The following ALDH4A1 variants were observed in gnomAD, a reference collection of about 807,000 sequenced individuals.
The protein encoded by ALDH4A1 is aldehyde dehydrogenase 4 family member A1.
A neutral mutation model predicts 70.5 loss-of-function variants in ALDH4A1; 46 were observed. The ratio of observed to expected loss-of-function variants is 0.65; its 90% CI spans 0.51 to 0.83. ALDH4A1 has a LOEUF of 0.83. Ranked by LOEUF, ALDH4A1 falls within the 40% of genes least tolerant of loss-of-function variation. ALDH4A1 has a pLI of 0.00. For missense variants in ALDH4A1, 749 were observed against 766.5 expected (o/e 0.98, Z 0.27); for synonymous variants, 323 against 324.3 (o/e 1.00, Z 0.04).
chr1:18,876,408 G>C lies in ALDH4A1; in HGVS notation c.1245C>G (p.Ile415Met). Residue 415 changes from isoleucine (I) to methionine (M), a missense_variant, in exon 12 of 15, where the codon ATC becomes ATG. Ile to Met is a conservative substitution (Grantham distance 10). Transcript: ENST00000375341. ...AGTCATCACACTTGCCCCCGGCCAG[G>C]ATGGTGAGGCTGGGTGAGGAGCGTG... Reference protein sequence around the residue: ...EHARSSPSLTILAGGKCDDSV... With the variant: ...EHARSSPSLTMLAGGKCDDSV... The C allele has an allele frequency of 6.2e-7, 1 of 1,613,138 alleles. No individual in the cohort carries two copies. The highest frequency in any genetic ancestry group is 8.5e-7 in the Non-Finnish European group (1 of 1,179,732).
At chr1:18,889,210 T>C in intron 3 of ALDH4A1, 152 bp downstream of exon 3, 1 of 700,228 alleles carries the variant, frequency 1.4e-6, no homozygotes, top group Non-Finnish European at 2.5e-6. Flanking sequence ...TTTGGGAGTT[T>C]TACTGGTCCA....
At chr1:18,886,315 G>C (rs111311024) in intron 4 of ALDH4A1, 149 bp downstream of exon 4, 17 of 851,710 alleles carry the variant, frequency 2.0e-5, no homozygotes, top group Middle Eastern at 3.2e-4. Context: ...GACTCCCTCA[G>C]TGTCAGCCAC....
chr1:18,879,543 G>C (rs192625558), intron 8 of ALDH4A1, among the ~76,000 whole-genome samples, 170 bp from the exon 9 acceptor site: 1 of 152,206 alleles, frequency 6.6e-6, no homozygotes, highest in African/African-American at 2.4e-5. Flanking sequence ...CGGGCAACGG[G>C]GGGCTAGGCA....
intron 1 of ALDH4A1, among the ~76,000 whole-genome samples, chr1:18,891,603 G>A (rs1307157211): frequency 7.2e-5 from 11 of 152,288 alleles, no homozygotes; most frequent in Admixed American, 1.3e-4. Context: ...AGGAAGCCAC[G>A]GTTAGCTCTG....
chr1:18,881,275 C>G (rs1934954733), intron 8 of ALDH4A1, among the ~76,000 whole-genome samples: 1 of 152,114 alleles, frequency 6.6e-6, no homozygotes, highest in Non-Finnish European at 1.5e-5. Flanking sequence ...CATATATATT[C>G]TTCTCCTGCC....
chr1:18,885,636 G>A lies in ALDH4A1; in HGVS notation c.298-8C>T. 2.5e-6 allele frequency: 4 copies of A among 1,613,834 alleles called. No homozygotes were observed. The highest frequency in any genetic ancestry group is 3.4e-6 in the Non-Finnish European group (4 of 1,179,998). ...GGCTTTGTTGAGCAGGCTCTAAAGG[G>A]AGAGGGAGAGGTTGGGGACTGCCAC... On this transcript the variant is annotated splice_polypyrimidine_tract_variant and splice_region_variant and intron_variant, in intron 4 of 14. Transcript: ENST00000375341.
At chr1:18,881,926 C>T (rs1445233059) in intron 7 of ALDH4A1, 39 bp from the exon 8 acceptor site, 3 of 1,578,368 alleles carry the variant, frequency 1.9e-6, no homozygotes, top group Non-Finnish European at 2.6e-6. Flanking sequence ...GAGGATGGCG[C>T]CACCAGCCCC....
At chr1:18,892,288 C>G (rs982988301) in intron 1 of ALDH4A1, among the ~76,000 whole-genome samples, 1 of 152,094 alleles carries the variant, frequency 6.6e-6, no homozygotes, top group Non-Finnish European at 1.5e-5. Flanking sequence ...TGACTGAGGA[C>G]CTGCTGGGTC....
intron 14 of ALDH4A1, among the ~76,000 whole-genome samples, chr1:18,874,002 A>G (rs1299468173): frequency 6.6e-6 from 1 of 152,188 alleles, no homozygotes; most frequent in Non-Finnish European, 1.5e-5. Context: ...GCATCAAGTT[A>G]AACTGTAGGA....
chr1:18,883,394 G>A lies in ALDH4A1; in HGVS notation c.488C>T (p.Ala163Val), dbSNP rs371138249. Reference protein sequence around the residue: ...KTVIQAEIDAAAELIDFFRFN... With the variant: ...KTVIQAEIDAVAELIDFFRFN... ...CCGGAAGAAGTCGATGAGTTCCGCT[G>A]CAGCGTCAATCTCCGCTTGGATCAC... The change falls in exon 6 of 15, where the codon GCA (alanine) becomes GTA (valine). Residue 163 changes from alanine to valine, a missense_variant. Physicochemically the swap from Ala to Val is moderately conservative, Grantham distance 64. Coordinates refer to ENST00000375341, the MANE Select transcript of ALDH4A1 (RefSeq NM_003748.4). 25 of 1,613,480 alleles carry A rather than the reference G, an allele frequency of 1.5e-5. No homozygotes were observed. The Admixed American group carries it at 4.2e-4, about 27-fold the overall frequency.
In ALDH4A1 at chr1:18,872,482, A is replaced by G; in HGVS notation, c.*363T>C. On this transcript the variant is annotated 3_prime_UTR_variant, in exon 15 of 15. Coordinates refer to ENST00000375341, the MANE Select transcript of ALDH4A1 (RefSeq NM_003748.4). ...CCTCTGTGAGTGGTGAGGTTTGCCA[A>G]GGGGCCCAGAATGGCCTCCTTTTCC... The G allele has an allele frequency of 5.1e-6, 1 of 197,582 alleles. No homozygotes were observed. The highest frequency in any genetic ancestry group is 1.0e-5 in the Non-Finnish European group (1 of 95,738). The allele number at this position is 197,582 out of a possible 1,614,324, so 12.2% of individuals were successfully genotyped here.
chr1:18,890,884 C>T (rs1935408537), intron 1 of ALDH4A1: 1 of 985,358 alleles, frequency 1.0e-6, no homozygotes, highest in Non-Finnish European at 1.2e-6. Flanking sequence ...CTGAGATCCC[C>T]TTGGCACAAA....
At chr1:18,886,355 G>A (rs1420300557) in intron 4 of ALDH4A1, 109 bp downstream of exon 4, 33 of 1,314,340 alleles carry the variant, frequency 2.5e-5, no homozygotes, top group East Asian at 4.6e-5. Flanking sequence ...CATGGCCAAA[G>A]AAGGACACAG....
intron 1 of ALDH4A1, among the ~76,000 whole-genome samples, chr1:18,895,523 G>A (rs548616083): frequency 1.3e-5 from 2 of 152,116 alleles, no homozygotes; most frequent in Middle Eastern, 3.4e-3. Context: ...CACCTCCTGT[G>A]GCAGGAGATG....
intron 14 of ALDH4A1, among the ~76,000 whole-genome samples, chr1:18,873,980 C>T (rs1934561931): frequency 6.6e-6 from 1 of 152,166 alleles, no homozygotes; most frequent in Non-Finnish European, 1.5e-5. Context: ...CTGCACTAAC[C>T]CCAGGCAGTG....
rs1569804691 is a variant in ALDH4A1, at chr1:18,898,426, A to G, written c.62+4036T>C. Among the ~76,000 whole-genome samples, 1 of 151,944 alleles carries G rather than the reference A, an allele frequency of 6.6e-6. No individual in the cohort carries two copies. The highest frequency in any genetic ancestry group is 2.1e-4 in the South Asian group (1 of 4,814). ...GAGACCGAGGACATCTGAGTTCCATACCTCCCCTCCTGCCACCATCCTTCA... is the reference window on the plus strand; with the variant it reads ...GAGACCGAGGACATCTGAGTTCCATGCCTCCCCTCCTGCCACCATCCTTCA... On this transcript the variant is annotated intron_variant, in intron 1 of 14. Transcript: ENST00000375341. This position sits in a 1 kb window ranked among gnomAD's most constrained non-coding sequence, Gnocchi z 4.3.
rs1935711071 is a variant in ALDH4A1 at position 18,898,931 on chromosome 1, C to G, written c.62+3531G>C. On this transcript the variant is annotated intron_variant, in intron 1 of 14. Coordinates refer to ENST00000375341, the MANE Select transcript of ALDH4A1 (RefSeq NM_003748.4). The surrounding 1 kb of genome is among the most constrained non-coding windows in gnomAD (Gnocchi z 4.3). ...AATTATTCTCCAACTCAAATACTCA[C>G]AGAGCACGCATTCGGTACCAGCATC... Among the ~76,000 whole-genome samples, 1 of 152,258 alleles carries G rather than the reference C, an allele frequency of 6.6e-6. No homozygotes were observed. The highest frequency in any genetic ancestry group is 2.1e-4 in the South Asian group (1 of 4,836).
At chr1:18,876,638 A>G (rs1557611184) in intron 11 of ALDH4A1, among the ~76,000 whole-genome samples, 171 bp from the exon 12 acceptor site, 1 of 89,564 alleles carries the variant, frequency 1.1e-5, no homozygotes, top group East Asian at 3.9e-4. Context: ...GAGCCACAGC[A>G]GAGACAAGGA....
In ALDH4A1 at chr1:18,874,495, C is replaced by T. The variant is rs773884295; in HGVS notation, c.1547G>A (p.Gly516Asp). 1.2e-5 allele frequency: 19 copies of T among 1,614,032 alleles called. No homozygotes were observed. The Admixed American group carries it at 3.0e-4, about 25-fold the overall frequency. Residue 516 changes from glycine to aspartate, a missense_variant, in exon 14 of 15, where the codon GGC becomes GAC. Physicochemically the swap from Gly to Asp is moderately conservative, Grantham distance 94. Transcript: ENST00000375341. ...INDKSTGSIV[G>D]QQPFGGARAS... Reference sequence around the variant, plus strand: ...TCGGGCCCCCCCAAAGGGCTGCTGGCCCACTATCGAGCCAGTGGACTTGTC... The same window carrying T: ...TCGGGCCCCCCCAAAGGGCTGCTGGTCCACTATCGAGCCAGTGGACTTGTC...
Sources: gnomAD v4.1 joint callset for allele counts (sites outside exome capture counted in the v4.1 genomes callset) on GRCh38, gnomAD v4.1.1 for gene constraint, Gnocchi (gnomAD v3.1) non-coding constraint, MANE v1.5 for transcripts, NCBI Gene and HGNC (gene_info 2026-07-23, HGNC 2026-07-21) for gene names.